MTOR: variants seen among roughly 807,000 people sequenced by gnomAD.
MTOR encodes serine/threonine-protein kinase mTOR.
A neutral mutation model predicts 319.8 loss-of-function variants in MTOR; 70 were observed. That is an observed-to-expected ratio of 0.22 (90% CI 0.18 to 0.27). The LOEUF (loss-of-function observed/expected upper bound fraction) is 0.27. Among genes scored for constraint, MTOR ranks in the 10% least tolerant of loss-of-function variants. The pLI is 1.00. For missense variants in MTOR, 1,890 were observed against 3,274.4 expected, an observed-to-expected ratio of 0.58 and a Z score of 10.32; for synonymous variants, 1,183 against 1,211.4, an observed-to-expected ratio of 0.98 and a Z score of 0.49.
chr1:11,128,781 A>G lies in MTOR; in HGVS notation c.5811+74T>C, dbSNP rs1642976428. ...CACACACTGCCTTGTGACACTGAACACAGCATGCTTGTAAGAGGAGACACA... is the reference window on the plus strand; with the variant it reads ...CACACACTGCCTTGTGACACTGAACGCAGCATGCTTGTAAGAGGAGACACA... On this transcript the variant is annotated intron_variant, in intron 41 of 57. Transcript: ENST00000361445. The surrounding 1 kb of genome is among the most constrained non-coding windows in gnomAD (Gnocchi z 5.3). 7.6e-7 allele frequency: 1 copy of G among 1,310,990 alleles called. No homozygotes were observed. The highest frequency in any genetic ancestry group is 1.2e-5 in the South Asian group (1 of 81,284). The allele number at this position is 1,310,990 out of a possible 1,614,324, so 81.2% of individuals were successfully genotyped here.
intron 49 of MTOR, among the ~76,000 whole-genome samples, chr1:11,119,999 G>A (rs1291652967): frequency 1.3e-5 from 2 of 150,276 alleles, no homozygotes; most frequent in Admixed American, 6.6e-5. Context: ...GGAGGCCAAG[G>A]CAGGAGGATA....
intron 47 of MTOR, 112 bp from the exon 48 acceptor site, chr1:11,122,238 C>G (rs1478025071): frequency 1.5e-6 from 2 of 1,357,270 alleles, no homozygotes; most frequent in Non-Finnish European, 2.0e-6. Flanking sequence ...GAGTCTTGCT[C>G]TGTTGCCCAG....
At chr1:11,223,141 T>A (rs1646722416) in intron 19 of MTOR, among the ~76,000 whole-genome samples, 1 of 151,200 alleles carries the variant, frequency 6.6e-6, no homozygotes, top group Non-Finnish European at 1.5e-5. Context: ...ACAGGACAAA[T>A]GACCTGGTTT....
intron 30 of MTOR, among the ~76,000 whole-genome samples, chr1:11,154,364 T>C (rs1644252239): frequency 6.6e-6 from 1 of 151,842 alleles, no homozygotes; most frequent in South Asian, 2.1e-4. Flanking sequence ...AGTTTTGGGA[T>C]TACAGGTGTG....
intron 28 of MTOR, among the ~76,000 whole-genome samples, chr1:11,197,289 C>T (rs1645819371): frequency 6.6e-6 from 1 of 152,186 alleles, no homozygotes; most frequent in Non-Finnish European, 1.5e-5. Context: ...CTATGAGCAA[C>T]TTTGTCTAAG....
At chr1:11,167,212 T>C (rs1374197224) in intron 29 of MTOR, among the ~76,000 whole-genome samples, 1 of 151,932 alleles carries the variant, frequency 6.6e-6, no homozygotes, top group Non-Finnish European at 1.5e-5. Flanking sequence ...ACCTGCACGT[T>C]GTGCACATGT....
chr1:11,187,262 C>T (rs1444688815), intron 28 of MTOR, among the ~76,000 whole-genome samples: 1 of 151,032 alleles, frequency 6.6e-6, no homozygotes. Context: ...CATCAGTGGT[C>T]CCCAATCTTT....
intron 15 of MTOR, 102 bp downstream of exon 15, chr1:11,233,296 T>C: frequency 9.4e-7 from 1 of 1,061,830 alleles, no homozygotes; most frequent in Non-Finnish European, 1.4e-6. Flanking sequence ...AATAAATATG[T>C]GAGACCTTTC....
At chr1:11,188,772 C>A (rs1645405054) in intron 28 of MTOR, among the ~76,000 whole-genome samples, 1 of 152,160 alleles carries the variant, frequency 6.6e-6, no homozygotes, top group Non-Finnish European at 1.5e-5. Flanking sequence ...CTCTATTCTT[C>A]TATTTCTAGA....
At chr1:11,197,046 G>A (rs1203603044) in intron 28 of MTOR, among the ~76,000 whole-genome samples, 1 of 152,126 alleles carries the variant, frequency 6.6e-6, no homozygotes, top group Non-Finnish European at 1.5e-5. Flanking sequence ...GTGGGGGTTG[G>A]GGGAGGGTTA....
At chr1:11,161,694 C>T (rs1036659517) in intron 29 of MTOR, among the ~76,000 whole-genome samples, 2 of 152,204 alleles carry the variant, frequency 1.3e-5, no homozygotes, top group African/African-American at 4.8e-5. Context: ...GGACCTCCAG[C>T]AAACTCCAAC....
At chr1:11,207,380 C>G (rs1189021220) in intron 25 of MTOR, among the ~76,000 whole-genome samples, 1 of 150,516 alleles carries the variant, frequency 6.6e-6, no homozygotes, top group African/African-American at 2.4e-5. Flanking sequence ...GAATTACAGG[C>G]ATGAGCCACT....
intron 30 of MTOR, among the ~76,000 whole-genome samples, chr1:11,155,685 C>T (rs1644294448): frequency 6.6e-6 from 1 of 152,180 alleles, no homozygotes; most frequent in African/African-American, 2.4e-5. Context: ...CGGTATCTTC[C>T]AAGGCTGATT....
chr1:11,255,476 T>C (rs1025934385), intron 5 of MTOR, among the ~76,000 whole-genome samples: 8 of 151,528 alleles, frequency 5.3e-5, no homozygotes, highest in African/African-American at 2.0e-4. Flanking sequence ...AAATAATGTA[T>C]AGAATAATGG....
At chr1:11,186,146 G>GT (rs145685476) in intron 28 of MTOR, among the ~76,000 whole-genome samples, 41 of 151,676 alleles carry the variant, frequency 2.7e-4, no homozygotes, top group African/African-American at 8.9e-4. Flanking sequence ...GCAGGCTGTG[G>GT]TTTTTTCAAA....
chr1:11,106,766 C>G lies in MTOR; in HGVS notation c.*719G>C. On this transcript the variant is annotated 3_prime_UTR_variant, in exon 58 of 58. Transcript: ENST00000361445. The stretch of plus-strand genomic sequence containing the variant: ...TTGACCACTGAAAACATCCCAGAAC[C>G]CTGCTGCAGAAGGCCAGTGAGGGTG... 8.0e-6 allele frequency: 10 copies of G among 1,251,784 alleles called. No homozygotes were observed. Among genetic ancestry groups the G allele is most frequent in the East Asian group, 3.5e-5 (1 of 28,206 alleles). 77.5% of individuals were successfully genotyped at this position (1,251,784 alleles called of 1,614,324 possible). A position where few individuals can be genotyped will look rare whatever the true frequency, so the allele number is the denominator to read the frequency against.
chr1:11,157,206 T>C lies in MTOR; in HGVS notation c.4415A>G (p.Asp1472Gly), dbSNP rs779868861. The part of the protein sequence containing the change: ...AYDKKMDTNK[D>G]DPELMLGRMR... Reference sequence around the variant, plus strand: ...GCGGCCCAGCATCAGCTCTGGGTCGTCCTTGTTGGTGTCCATTTTCTTGTC... The same window carrying C: ...GCGGCCCAGCATCAGCTCTGGGTCGCCCTTGTTGGTGTCCATTTTCTTGTC... The change falls in exon 30 of 58, where the codon GAC (aspartate) becomes GGC (glycine). Residue 1472 changes from aspartate to glycine, a missense_variant. Asp to Gly is a moderately conservative substitution (Grantham distance 94). Transcript: ENST00000361445. 1.2e-6 allele frequency: 2 copies of C among 1,614,082 alleles called. No homozygotes were observed. The highest frequency in any genetic ancestry group is 1.7e-5 in the Admixed American group (1 of 60,014).
chr1:11,119,206 G>A (rs1024995911), intron 49 of MTOR, among the ~76,000 whole-genome samples: 4 of 152,084 alleles, frequency 2.6e-5, no homozygotes, highest in Admixed American at 1.3e-4. Flanking sequence ...TGAGAAGGGC[G>A]GATAACTCGA....
chr1:11,241,307 C>A (rs1179066015), intron 10 of MTOR, among the ~76,000 whole-genome samples: 1 of 134,558 alleles, frequency 7.4e-6, no homozygotes, highest in Admixed American at 8.2e-5. Flanking sequence ...GGCGACAGAG[C>A]GAGACCCCTT....
Sources: allele counts gnomAD v4.1 joint callset (sites outside exome capture counted in the v4.1 genomes callset), GRCh38; gene constraint gnomAD v4.1.1; non-coding constraint Gnocchi (gnomAD v3.1); transcripts MANE v1.5; gene names NCBI Gene and HGNC (gene_info 2026-07-23, HGNC 2026-07-21).